The following TSGA10 variants were observed in gnomAD, a reference collection of about 807,000 sequenced individuals.
TSGA10 encodes the protein testis specific 10, also known as testis-specific gene 10 protein.
Under a neutral mutation model 96.6 loss-of-function variants are expected in TSGA10, and 43 were observed. The ratio of observed to expected loss-of-function variants is 0.44; its 90% CI spans 0.35 to 0.57. The LOEUF is 0.57. TSGA10 is among the 20% of genes least tolerant of loss of function. The pLI is 0.01. For synonymous variants in TSGA10, 229 were observed against 269.9 expected (o/e 0.85, Z 1.48); for missense variants, 703 against 834.4 (o/e 0.84, Z 1.94).
chr2:99,079,044 G>A (rs2087107051), intron 11 of TSGA10: 1 of 332,550 alleles, frequency 3.0e-6, no homozygotes, highest in Non-Finnish European at 5.4e-6. Context: ...CAATGAATTA[G>A]AATAGTGAAG....
intron 1 of TSGA10, among the ~76,000 whole-genome samples, chr2:99,130,863 C>A (rs1002672303): frequency 1.3e-5 from 2 of 152,158 alleles, no homozygotes; most frequent in African/African-American, 4.8e-5. Flanking sequence ...TTCCCAACAT[C>A]ATTTATGAAG....
intron 16 of TSGA10, 93 bp from the exon 17 acceptor site, chr2:99,035,532 G>A: frequency 1.3e-6 from 1 of 774,434 alleles, no homozygotes; most frequent in Non-Finnish European, 2.0e-6. Flanking sequence ...GCAAATCTAA[G>A]AGTAGTGCAC....
chr2:99,035,612 G>A (rs2081548334), intron 16 of TSGA10, among the ~76,000 whole-genome samples, 173 bp from the exon 17 acceptor site: 1 of 135,406 alleles, frequency 7.4e-6, no homozygotes, highest in Non-Finnish European at 1.5e-5. Context: ...ATAAATTCAG[G>A]TTTTGACTTT....
intron 13 of TSGA10, 79 bp from the exon 14 acceptor site, chr2:99,071,953 G>T: frequency 7.9e-7 from 1 of 1,270,768 alleles, no homozygotes; most frequent in Non-Finnish European, 1.1e-6. Context: ...GACAGAAGAT[G>T]GACAGTTAGT....
rs192785601 is a variant in TSGA10, at chr2:99,041,637, G to T, written c.1405-6198C>A. Among the ~76,000 whole-genome samples the T allele has an allele frequency of 5.5e-3, 831 of 152,184 alleles. 40 individuals are homozygous for T. Among genetic ancestry groups the T allele is most frequent in the Admixed American group, 0.051 (774 of 15,292 alleles). The stretch of plus-strand genomic sequence containing the variant: ...GATAATTGGCAAGCTATATGTAGAA[G>T]AATGAAACTGGATCCTCACCTCTCA... On this transcript the variant is annotated intron_variant, in intron 16 of 20. Transcript: ENST00000393483.
intron 16 of TSGA10, among the ~76,000 whole-genome samples, chr2:99,045,740 C>T (rs1365972922): frequency 6.6e-6 from 1 of 152,118 alleles, no homozygotes; most frequent in Non-Finnish European, 1.5e-5. Context: ...ACAATATTAA[C>T]CTTAAATGTA....
At chr2:99,093,801 C>A (rs1014929772) in intron 10 of TSGA10, among the ~76,000 whole-genome samples, 3 of 151,966 alleles carry the variant, frequency 2.0e-5, no homozygotes, top group Non-Finnish European at 2.9e-5. Context: ...TGAGTACAAT[C>A]AAAAATGTGA....
intron 1 of TSGA10, among the ~76,000 whole-genome samples, chr2:99,140,107 G>A (rs2093475727): frequency 6.6e-6 from 1 of 152,170 alleles, no homozygotes; most frequent in Non-Finnish European, 1.5e-5. Context: ...AGATATTGTG[G>A]AAGCTGCCAT....
chr2:99,131,356 A>C (rs1470258716), intron 1 of TSGA10, among the ~76,000 whole-genome samples: 1 of 152,106 alleles, frequency 6.6e-6, no homozygotes, highest in Non-Finnish European at 1.5e-5. Context: ...TGTAAGTTGT[A>C]TTCCTAGGTA....
chr2:99,119,427 C>T (rs1010029100), intron 2 of TSGA10, among the ~76,000 whole-genome samples: 4 of 152,134 alleles, frequency 2.6e-5, no homozygotes, highest in Non-Finnish European at 5.9e-5. Context: ...CATTTATGAT[C>T]CAACTCGACT....
intron 2 of TSGA10, among the ~76,000 whole-genome samples, chr2:99,123,194 G>T (rs2092667646): frequency 6.6e-6 from 1 of 152,000 alleles, no homozygotes; most frequent in African/African-American, 2.4e-5. Context: ...GATTTTTTTA[G>T]TGTCTTGGCA....
intron 2 of TSGA10, among the ~76,000 whole-genome samples, chr2:99,119,641 C>T (rs2092468736): frequency 6.6e-6 from 1 of 152,112 alleles, no homozygotes; most frequent in Admixed American, 6.6e-5. Flanking sequence ...TTTTTGGAAA[C>T]CTGGTTTGTT....
chr2:99,124,307 A>C (rs1467882238), intron 2 of TSGA10, among the ~76,000 whole-genome samples: 1 of 152,048 alleles, frequency 6.6e-6, no homozygotes, highest in Non-Finnish European at 1.5e-5. Flanking sequence ...CCATTTTTGA[A>C]TTAGATTTTT....
intron 1 of TSGA10, among the ~76,000 whole-genome samples, chr2:99,128,405 A>C (rs915537044): frequency 1.3e-5 from 2 of 151,354 alleles, no homozygotes; most frequent in Non-Finnish European, 2.9e-5. Flanking sequence ...TCTGTTAAAA[A>C]TGTATTGCTA....
intron 17 of TSGA10, among the ~76,000 whole-genome samples, chr2:99,027,212 T>C (rs2080691214): frequency 6.6e-6 from 1 of 152,164 alleles, no homozygotes; most frequent in South Asian, 2.1e-4. Context: ...ACTCCTACTA[T>C]ACGGCCTTTA....
In TSGA10 at chr2:99,018,419, C is replaced by T; in HGVS notation, c.1923-70G>A. 2.5e-6 allele frequency: 4 copies of T among 1,585,178 alleles called. No homozygotes were observed. In the South Asian group the frequency reaches 4.6e-5, roughly 18 times the overall value. ...TATTAAAACTATCATAAAACTAGCT[C>T]AATTCATACTTGAAAATCTAACCAT... On this transcript the variant is annotated intron_variant, in intron 19 of 20. Transcript: ENST00000393483.
intron 10 of TSGA10, among the ~76,000 whole-genome samples, chr2:99,093,264 A>G (rs1264897124): frequency 3.3e-5 from 5 of 152,184 alleles, no homozygotes; most frequent in Non-Finnish European, 7.4e-5. Flanking sequence ...AATGTAATAA[A>G]AGCCGTCTAC....
chr2:99,034,633 C>T (rs1025861017), intron 17 of TSGA10, among the ~76,000 whole-genome samples: 1 of 152,094 alleles, frequency 6.6e-6, no homozygotes, highest in Non-Finnish European at 1.5e-5. Context: ...AATGGGATGC[C>T]TCATTCCTTT....
chr2:99,052,419 A>AT (rs888872417), intron 16 of TSGA10, among the ~76,000 whole-genome samples: 71 of 150,490 alleles, frequency 4.7e-4, no homozygotes, highest in Non-Finnish European at 6.8e-4. Context: ...ATGAAAAAAA[A>AT]TTTTTTTAAA....
Sources: gnomAD v4.1 joint callset for allele counts (sites outside exome capture counted in the v4.1 genomes callset) on GRCh38, gnomAD v4.1.1 for gene constraint, MANE v1.5 for transcripts, NCBI Gene and HGNC (gene_info 2026-07-23, HGNC 2026-07-21) for gene names.